MXI1: variants seen among roughly 807,000 people sequenced by gnomAD.
MXI1 encodes the protein max-interacting protein 1.
A neutral mutation model predicts 36.9 loss-of-function variants in MXI1; 18 were observed. The observed-to-expected ratio is 0.49, with a 90% CI of 0.34 to 0.72. MXI1 has a LOEUF of 0.72. Among genes scored for constraint, MXI1 ranks in the 30% least tolerant of loss-of-function variants. MXI1 has a pLI of 0.01. For synonymous variants in MXI1, 160 were observed against 146.7 expected (o/e 1.09, Z -0.65); for missense variants, 304 against 379.1 (o/e 0.80, Z 1.64).
intron 3 of MXI1, among the ~76,000 whole-genome samples, chr10:110,266,571 G>A (rs575562557): frequency 1.3e-5 from 2 of 152,186 alleles, no homozygotes; most frequent in Non-Finnish European, 2.9e-5. Flanking sequence ...CTGAGTAAAT[G>A]AGGATACCTG....
chr10:110,248,845 G>C (rs942514252), intron 3 of MXI1, among the ~76,000 whole-genome samples: 1 of 151,952 alleles, frequency 6.6e-6, no homozygotes, highest in Non-Finnish European at 1.5e-5. Flanking sequence ...GTTTTTAAAA[G>C]GGATTTTTAT....
chr10:110,263,018 T>C (rs919025029), intron 3 of MXI1, among the ~76,000 whole-genome samples: 2 of 152,182 alleles, frequency 1.3e-5, no homozygotes, highest in South Asian at 2.1e-4. Context: ...TGCTAGAGCA[T>C]ATATATTCCA....
At chr10:110,230,445 A>G (rs1855219245) in intron 2 of MXI1, among the ~76,000 whole-genome samples, 1 of 152,226 alleles carries the variant, frequency 6.6e-6, no homozygotes, top group South Asian at 2.1e-4. Flanking sequence ...ACATTAGACC[A>G]CCTAAAACAG....
chr10:110,216,665 G>GGTTTTTTTTTTTTT (rs1854643932), intron 1 of MXI1, among the ~76,000 whole-genome samples: 1 of 79,060 alleles, frequency 1.3e-5, no homozygotes, highest in African/African-American at 8.0e-5. Context: ...TGTGTTTAAT[G>GGTTTTTTTTTTTTT]TTTTTTTTTT....
intron 3 of MXI1, among the ~76,000 whole-genome samples, chr10:110,267,239 C>A (rs1856702196): frequency 6.6e-6 from 1 of 152,126 alleles, no homozygotes; most frequent in Admixed American, 6.5e-5. Flanking sequence ...GGACTTACTA[C>A]CCCAATAAAA....
intron 1 of MXI1, among the ~76,000 whole-genome samples, chr10:110,225,777 C>T (rs1222942427): frequency 2.6e-5 from 4 of 152,228 alleles, no homozygotes; most frequent in African/African-American, 7.2e-5. Context: ...ACTTCTTAGT[C>T]TTCCCTAGAG....
At chr10:110,219,610 A>G (rs117551901) in intron 1 of MXI1, among the ~76,000 whole-genome samples, 586 of 152,324 alleles carry the variant, frequency 3.8e-3, no homozygotes, top group Middle Eastern at 6.8e-3. Context: ...TGATCATCCC[A>G]GAACTCCTCA....
At chr10:110,279,078 T>C in intron 3 of MXI1, 102 bp from the exon 4 acceptor site, 2 of 851,594 alleles carry the variant, frequency 2.3e-6, no homozygotes, top group Middle Eastern at 2.3e-4. Flanking sequence ...ATCTATCCTA[T>C]AGGCTGAATA....
chr10:110,238,587 T>C (rs1330295394), intron 2 of MXI1, among the ~76,000 whole-genome samples: 1 of 152,204 alleles, frequency 6.6e-6, no homozygotes, highest in Non-Finnish European at 1.5e-5. Context: ...TTGGAAAATG[T>C]TCCCTCTCTC....
chr10:110,283,152 A>G (rs960046396), intron 5 of MXI1, among the ~76,000 whole-genome samples: 2 of 152,354 alleles, frequency 1.3e-5, no homozygotes, highest in South Asian at 2.1e-4. Context: ...ACAGCTGCCT[A>G]CATTTTAAAA....
intron 2 of MXI1, 83 bp downstream of exon 2, chr10:110,228,404 A>G: frequency 2.0e-6 from 3 of 1,532,454 alleles, no homozygotes; most frequent in Non-Finnish European, 2.7e-6. Context: ...AAGGAGCAGC[A>G]CTTGATGGGT....
rs991207839 is a variant in MXI1, at chr10:110,245,976, A to C, written c.437+1119A>C. 2.0e-5 allele frequency among the ~76,000 whole-genome samples: 3 copies of C among 152,164 alleles called. 1 individual carries two copies. The highest frequency in any genetic ancestry group is 4.4e-5 in the Non-Finnish European group (3 of 68,022). On this transcript the variant is annotated intron_variant, in intron 3 of 5. Coordinates refer to ENST00000332674, the MANE Select transcript of MXI1 (RefSeq NM_130439.3). ...AAATAGAAGAAGAAGACAAATTTGG[A>C]AGAGAACATAAGAATTGTAAGAGTA...
intron 3 of MXI1, among the ~76,000 whole-genome samples, chr10:110,263,714 G>A (rs1038618975): frequency 1.3e-5 from 2 of 152,038 alleles, no homozygotes; most frequent in African/African-American, 4.8e-5. Context: ...CTTGCTTTTC[G>A]AGATATACTC....
intron 3 of MXI1, among the ~76,000 whole-genome samples, chr10:110,259,223 C>G (rs551097859): frequency 9.2e-5 from 14 of 152,062 alleles, no homozygotes; most frequent in African/African-American, 3.1e-4. Flanking sequence ...TCTTCTCAAA[C>G]TATGAATTTG....
At chr10:110,265,705 C>A (rs184316301) in intron 3 of MXI1, among the ~76,000 whole-genome samples, 6 of 152,278 alleles carry the variant, frequency 3.9e-5, no homozygotes. Flanking sequence ...CTATAAGCAG[C>A]ATATAATTAA....
At chr10:110,280,246 G>C (rs1294103091) in intron 5 of MXI1, among the ~76,000 whole-genome samples, 161 bp downstream of exon 5, 1 of 151,610 alleles carries the variant, frequency 6.6e-6, no homozygotes, top group Non-Finnish European at 1.5e-5. Flanking sequence ...TGCCAGTGTG[G>C]ACTATAAAAC....
At chr10:110,221,249 C>T (rs1854800318) in intron 1 of MXI1, among the ~76,000 whole-genome samples, 1 of 152,242 alleles carries the variant, frequency 6.6e-6, no homozygotes, top group African/African-American at 2.4e-5. Context: ...CTTATTCCAT[C>T]AGTTTGATAG....
intron 1 of MXI1, among the ~76,000 whole-genome samples, chr10:110,212,789 T>C (rs1207410222): frequency 2.6e-5 from 4 of 152,186 alleles, no homozygotes; most frequent in Non-Finnish European, 5.9e-5. Flanking sequence ...ACCTGAGATA[T>C]AATAGGTGCT....
chr10:110,215,040 T>G (rs1269836499), intron 1 of MXI1, among the ~76,000 whole-genome samples: 2 of 77,050 alleles, frequency 2.6e-5, no homozygotes, highest in African/African-American at 1.1e-4. Context: ...AGTTTTTTTT[T>G]TTGTTTTTTT....
Sources: allele counts gnomAD v4.1 joint callset (sites outside exome capture counted in the v4.1 genomes callset), GRCh38; gene constraint gnomAD v4.1.1; transcripts MANE v1.5; gene names NCBI Gene and HGNC (gene_info 2026-07-23, HGNC 2026-07-21).